TMC2: variants seen among roughly 807,000 people sequenced by gnomAD.
TMC2 encodes the protein transmembrane channel like 2.
Under a neutral mutation model 105.9 loss-of-function variants are expected in TMC2, and 102 were observed. The observed-to-expected ratio is 0.96, with a 90% confidence interval of 0.82 to 1.14. TMC2 has a LOEUF of 1.14. TMC2 is among the 50% of genes most tolerant of loss of function. The probability of loss-of-function intolerance (pLI) is 0.00; values close to 1 mark genes in which losing one functional copy is unlikely to be tolerated. For synonymous variants in TMC2, 402 were observed against 422.8 expected, an observed-to-expected ratio of 0.95 and a Z score of 0.60; for missense variants, 1,093 against 1,134.3, an observed-to-expected ratio of 0.96 and a Z score of 0.52.
chr20:2,586,876 G>A (rs1296551856), intron 7 of TMC2, among the ~76,000 whole-genome samples: 3 of 152,154 alleles, frequency 2.0e-5, no homozygotes, highest in Non-Finnish European at 4.4e-5. Context: ...GATATACATT[G>A]CCATTATTTA....
chr20:2,639,479 G>A (rs980302470), intron 19 of TMC2, among the ~76,000 whole-genome samples: 1 of 152,180 alleles, frequency 6.6e-6, no homozygotes, highest in Non-Finnish European at 1.5e-5. Context: ...TGTTGTGCAG[G>A]TTTATAATCT....
chr20:2,575,982 G>A (rs767821930), intron 5 of TMC2, among the ~76,000 whole-genome samples: 1 of 152,078 alleles, frequency 6.6e-6, no homozygotes, highest in Non-Finnish European at 1.5e-5. Flanking sequence ...TATTAGGAAT[G>A]CTGACCTGCT....
At chr20:2,636,288 A>G (rs2086642214) in intron 18 of TMC2, among the ~76,000 whole-genome samples, 1 of 152,218 alleles carries the variant, frequency 6.6e-6, no homozygotes, top group Non-Finnish European at 1.5e-5. Flanking sequence ...AGAAAAAGCC[A>G]GTATCCACAA....
chr20:2,627,015 G>A (rs778670924), intron 17 of TMC2, among the ~76,000 whole-genome samples: 1 of 152,138 alleles, frequency 6.6e-6, no homozygotes. Flanking sequence ...GATTGATCAC[G>A]GGTTCACATC....
chr20:2,602,052 C>T (rs1017808052), intron 10 of TMC2, 61 bp from the exon 11 acceptor site: 9 of 1,255,930 alleles, frequency 7.2e-6, no homozygotes, highest in Middle Eastern at 2.0e-4. Flanking sequence ...AGGGACCCAA[C>T]AGCCATGGTT....
intron 10 of TMC2, among the ~76,000 whole-genome samples, chr20:2,598,085 T>C (rs1228668006): frequency 6.6e-6 from 1 of 152,040 alleles, no homozygotes; most frequent in Non-Finnish European, 1.5e-5. Flanking sequence ...GGTTTGGGGC[T>C]GTGGGAATAA....
At chr20:2,641,060 C>T (rs1449556764) in intron 19 of TMC2, 74 bp from the exon 20 acceptor site, 25 of 1,320,308 alleles carry the variant, frequency 1.9e-5, no homozygotes, top group African/African-American at 2.9e-5. Flanking sequence ...CACCGCAGGG[C>T]GACTCCAGAG....
chr20:2,559,573 G>A (rs1301686351), intron 3 of TMC2, among the ~76,000 whole-genome samples: 1 of 152,080 alleles, frequency 6.6e-6, no homozygotes, highest in Non-Finnish European at 1.5e-5. Context: ...CAACAGTTGG[G>A]AATATTAGGA....
chr20:2,591,872 A>G (rs1044921265), intron 7 of TMC2, among the ~76,000 whole-genome samples: 3 of 151,894 alleles, frequency 2.0e-5, no homozygotes, highest in African/African-American at 7.2e-5. Flanking sequence ...AAGAAAATAG[A>G]GCCGGGCTCA....
chr20:2,624,204 A>G (rs1428961496), intron 16 of TMC2, 67 bp from the exon 17 acceptor site: 75 of 1,550,360 alleles, frequency 4.8e-5, no homozygotes, highest in Non-Finnish European at 6.6e-5. Flanking sequence ...TAGGGGGGCC[A>G]TGGACACAGC....
At chr20:2,630,634 C>A (rs2086596729) in intron 17 of TMC2, among the ~76,000 whole-genome samples, 1 of 152,044 alleles carries the variant, frequency 6.6e-6, no homozygotes, top group African/African-American at 2.4e-5. Flanking sequence ...TCAGCCTGGG[C>A]AACATGGCAA....
chr20:2,608,300 T>TTTATTA (rs61608674), intron 11 of TMC2, among the ~76,000 whole-genome samples: 20,089 of 134,344 alleles, frequency 0.15, 1,640 homozygotes, highest in East Asian at 0.18. Context: ...CTTATTTTTA[T>TTTATTA]TTATTATTAT....
chr20:2,557,307 T>C (rs1323745547), intron 2 of TMC2, among the ~76,000 whole-genome samples: 1 of 152,224 alleles, frequency 6.6e-6, no homozygotes, highest in East Asian at 1.9e-4. Context: ...GGGAAGTTTC[T>C]ATTGACATAT....
At position 2,618,796 on chromosome 20, in the gene TMC2, G is replaced by C. The variant is rs2086503600; in HGVS notation, c.2180+1485G>C. ...TTAGGACGTACTGCCCCTTCTGTCT[G>C]CCATTATCTCACTTAGAAATGCTCA... On this transcript the variant is annotated intron_variant, in intron 16 of 19. Transcript: ENST00000358864. Among the ~76,000 whole-genome samples, 2 of 152,218 alleles carry C rather than the reference G, an allele frequency of 1.3e-5. 1 individual carries two copies. The highest frequency in any genetic ancestry group is 1.3e-4 in the Admixed American group (2 of 15,286).
chr20:2,567,082 G>A (rs6114958), intron 4 of TMC2, among the ~76,000 whole-genome samples: 19,224 of 152,206 alleles, frequency 0.13, 1,496 homozygotes, highest in African/African-American at 0.21. Flanking sequence ...TGTGCCAGAG[G>A]AGGCTGAGTG....
At chr20:2,589,674 G>C (rs2086255508) in intron 7 of TMC2, among the ~76,000 whole-genome samples, 1 of 151,968 alleles carries the variant, frequency 6.6e-6, no homozygotes, top group South Asian at 2.1e-4. Flanking sequence ...CTGTTTGTTT[G>C]TTAATTTGTT....
At chr20:2,630,720 C>T (rs942336279) in intron 17 of TMC2, among the ~76,000 whole-genome samples, 11 of 152,166 alleles carry the variant, frequency 7.2e-5, no homozygotes, top group South Asian at 2.1e-4. Flanking sequence ...ACTTGGGAGG[C>T]GACAAAGGTG....
intron 2 of TMC2, among the ~76,000 whole-genome samples, chr20:2,554,391 C>G (rs780288172): frequency 1.3e-5 from 2 of 152,142 alleles, no homozygotes; most frequent in East Asian, 3.8e-4. Context: ...TTTCAAAGAA[C>G]CTCTCTATGA....
chr20:2,580,210 T>G (rs113601888), intron 7 of TMC2, among the ~76,000 whole-genome samples, 154 bp downstream of exon 7: 5,530 of 152,292 alleles, frequency 0.036, 305 homozygotes, highest in African/African-American at 0.12. Context: ...GCATTAAAAG[T>G]AATTTTAATT....
Sources: allele counts gnomAD v4.1 joint callset (sites outside exome capture counted in the v4.1 genomes callset), GRCh38; gene constraint gnomAD v4.1.1; transcripts MANE v1.5; gene names NCBI Gene and HGNC (gene_info 2026-07-23, HGNC 2026-07-21).